The following GTF3C2 variants were observed in gnomAD, a reference collection of about 807,000 sequenced individuals.
GTF3C2 encodes general transcription factor IIIC subunit 2.
Under a neutral mutation model 117.4 loss-of-function variants are expected in GTF3C2, and 17 were observed. That is an observed-to-expected ratio of 0.14 (90% CI 0.10 to 0.22). The LOEUF is 0.22. Among genes scored for constraint, GTF3C2 ranks in the 10% least tolerant of loss-of-function variants. GTF3C2 has a pLI of 1.00. For missense variants in GTF3C2, 888 were observed against 1,143.6 expected, an observed-to-expected ratio of 0.78 and a Z score of 3.22; for synonymous variants, 437 against 427.0, an observed-to-expected ratio of 1.02 and a Z score of -0.29.
At chr2:27,342,623 C>A (rs746583695) in intron 3 of GTF3C2, 1 of 587,330 alleles carries the variant, frequency 1.7e-6, no homozygotes, top group South Asian at 2.2e-5. Flanking sequence ...AAAGTACAGA[C>A]AATAATTCTT....
intron 1 of GTF3C2, among the ~76,000 whole-genome samples, chr2:27,351,886 TA>T (rs550297503): frequency 6.6e-6 from 1 of 151,748 alleles, no homozygotes; most frequent in Non-Finnish European, 1.5e-5. Context: ...CCCCATCTTG[TA>T]AAAATCTTGT....
At chr2:27,336,554 A>G in intron 7 of GTF3C2, 129 bp from the exon 8 acceptor site, 1 of 618,578 alleles carries the variant, frequency 1.6e-6, no homozygotes, top group Non-Finnish European at 2.9e-6. Flanking sequence ...ACAGTTTACA[A>G]GTGAGAACAG....
chr2:27,335,415 T>G, intron 10 of GTF3C2, 183 bp downstream of exon 10: 1 of 711,722 alleles, frequency 1.4e-6, no homozygotes, highest in Non-Finnish European at 2.6e-6. Flanking sequence ...AGTACAGCTG[T>G]AAGACTGCAA....
At position 27,329,082 on chromosome 2, in the gene GTF3C2, G is replaced by C; in HGVS notation, c.2039+39C>G. The C allele has an allele frequency of 6.2e-7, 1 of 1,608,322 alleles. No individual in the cohort carries two copies. The highest frequency in any genetic ancestry group is 8.5e-7 in the Non-Finnish European group (1 of 1,175,144). The stretch of plus-strand genomic sequence containing the variant: ...GGCATGCTTTGCATTCCAACCCTTA[G>C]GGCCTGTCCCTAGAGGTCCTATCTC... On this transcript the variant is annotated intron_variant, in intron 14 of 18. Coordinates refer to ENST00000264720, the Ensembl canonical transcript of GTF3C2. This position sits in a 1 kb window ranked among gnomAD's most constrained non-coding sequence, Gnocchi z 4.5.
At chr2:27,330,751 C>T (rs1433652659) in intron 12 of GTF3C2, among the ~76,000 whole-genome samples, 1 of 152,042 alleles carries the variant, frequency 6.6e-6, no homozygotes, top group Non-Finnish European at 1.5e-5. Context: ...ACCTGAGGTC[C>T]AGAGTTTGAG....
exon 3 of GTF3C2, chr2:27,342,998 T>A: frequency 6.2e-7 from 1 of 1,614,192 alleles, no homozygotes; most frequent in South Asian, 1.1e-5. Context: ...GACAGAGGGT[T>A]GGATTGATCT....
Position 27,327,121 on chromosome 2 carries a change from C to T in GTF3C2, c.2517+56G>A, listed in dbSNP as rs989507471. ...CTTTTCATCTACCATTTCATCAGCC[C>T]CAGGCCCAGAACTGGGGGGAAATGA... On this transcript the variant is annotated intron_variant, in intron 18 of 18. Coordinates refer to ENST00000264720, the Ensembl canonical transcript of GTF3C2. 9 of 971,542 alleles carry T rather than the reference C, an allele frequency of 9.3e-6. No individual in the cohort carries two copies. In the Admixed American group the frequency reaches 1.4e-4, roughly 15 times the overall value. The allele number at this position is 971,542 out of a possible 1,614,324, so 60.2% of individuals were successfully genotyped here.
At chr2:27,341,510 T>C (rs1680729899) in intron 4 of GTF3C2, 1 of 167,398 alleles carries the variant, frequency 6.0e-6, no homozygotes, top group Non-Finnish European at 1.3e-5. Context: ...GCTCCAGCCA[T>C]AATCAATTTA....
At chr2:27,326,219 C>T (rs1231091225) in exon 19 of GTF3C2, 12 of 472,586 alleles carry the variant, frequency 2.5e-5, no homozygotes, top group Admixed American at 1.2e-4. Context: ...GATGGTTACC[C>T]TAAAGAGGAA....
chr2:27,331,886 C>T (rs1292678316), intron 12 of GTF3C2, among the ~76,000 whole-genome samples: 1 of 152,076 alleles, frequency 6.6e-6, no homozygotes, highest in Non-Finnish European at 1.5e-5. Context: ...ACGCAGTGAG[C>T]CAAGATCTTG....
chr2:27,328,271 C>T, intron 16 of GTF3C2, 82 bp from the exon 17 acceptor site: 2 of 1,193,150 alleles, frequency 1.7e-6, no homozygotes, highest in Non-Finnish European at 2.4e-6. Context: ...GCAGGAAAGG[C>T]TTAAAGATGG....
At position 27,327,406 on chromosome 2, in the gene GTF3C2, A is replaced by G. The variant is rs117643691; in HGVS notation, c.2410-122T>C. 786 of 500,284 alleles carry G rather than the reference A, an allele frequency of 1.6e-3. 13 individuals carry two copies. In the East Asian group the frequency reaches 0.026, roughly 17 times the overall value. The allele number at this position is 500,284 out of a possible 1,614,324, so 31.0% of individuals were successfully genotyped here. ...GGCGCGATCTTGGCAGCTCACTACA[A>G]CCTGTGCTTCCCAGGTTCAAGTGAT... On this transcript the variant is annotated intron_variant, in intron 17 of 18. Coordinates refer to ENST00000264720, the Ensembl canonical transcript of GTF3C2.
exon 19 of GTF3C2, chr2:27,326,227 G>A (rs1680068524): frequency 2.1e-6 from 1 of 472,932 alleles, no homozygotes; most frequent in African/African-American, 2.0e-5. Context: ...CCCTAAAGAG[G>A]AAGTTTCAGA....
chr2:27,350,307 G>C (rs776921510), intron 1 of GTF3C2: 12 of 568,390 alleles, frequency 2.1e-5, no homozygotes, highest in Non-Finnish European at 2.7e-5. Flanking sequence ...TTCTACCCCA[G>C]ACCTACCGAA....
intron 3 of GTF3C2, 173 bp from the exon 4 acceptor site, chr2:27,342,406 T>C: frequency 4.9e-6 from 3 of 609,710 alleles, no homozygotes; most frequent in Non-Finnish European, 8.5e-6. Context: ...ATCTAAGTTA[T>C]GTGACTTGGC....
intron 10 of GTF3C2, among the ~76,000 whole-genome samples, chr2:27,334,830 A>G (rs75206051): frequency 6.6e-6 from 1 of 152,124 alleles, no homozygotes; most frequent in Non-Finnish European, 1.5e-5. Flanking sequence ...TTTTTTGTCG[A>G]GACGACATCT....
exon 3 of GTF3C2, chr2:27,342,831 G>A: frequency 6.2e-7 from 1 of 1,612,158 alleles, no homozygotes; most frequent in East Asian, 2.2e-5. Context: ...CTTACACTTG[G>A]GCAGCCCTTC....
intron 12 of GTF3C2, among the ~76,000 whole-genome samples, chr2:27,330,976 T>C (rs1001334706): frequency 1.3e-5 from 2 of 152,004 alleles, no homozygotes; most frequent in Non-Finnish European, 2.9e-5. Flanking sequence ...TAAAATAGCC[T>C]GGTGTGGTGG....
chr2:27,349,241 G>A (rs1215350921), intron 1 of GTF3C2, among the ~76,000 whole-genome samples: 1 of 148,514 alleles, frequency 6.7e-6, no homozygotes, highest in African/African-American at 2.5e-5. Flanking sequence ...TCCGCCTCCC[G>A]GGTTCACGCC....
Sources: gnomAD v4.1 joint callset for allele counts (sites outside exome capture counted in the v4.1 genomes callset) on GRCh38, gnomAD v4.1.1 for gene constraint, Gnocchi (gnomAD v3.1) non-coding constraint, MANE v1.5 for transcripts, NCBI Gene and HGNC (gene_info 2026-07-23, HGNC 2026-07-21) for gene names.